The following ABI2 variants were observed in gnomAD, a reference collection of about 807,000 sequenced individuals.
ABI2 encodes abl interactor 2, also known as abelson interactor 2.
Under a neutral mutation model 59.2 loss-of-function variants are expected in ABI2, and 25 were observed. That is an observed-to-expected ratio of 0.42 (90% confidence interval 0.31 to 0.59). The LOEUF (loss-of-function observed/expected upper bound fraction) is 0.59, where lower values mean the gene tolerates loss of function less well. ABI2 is among the 20% of genes least tolerant of loss of function. ABI2 has a pLI of 0.14. For missense variants in ABI2, 545 were observed against 681.8 expected (o/e 0.80, Z 2.23); for synonymous variants, 213 against 235.5 (o/e 0.90, Z 0.87).
chr2:203,382,239 T>A (rs1478456411), intron 4 of ABI2, 33 bp downstream of exon 4: 5 of 1,516,076 alleles, frequency 3.3e-6, no homozygotes, highest in Non-Finnish European at 4.4e-6. Flanking sequence ...TTCCATTCTT[T>A]GTTCTTATGT....
intron 6 of ABI2, among the ~76,000 whole-genome samples, 200 bp from the exon 7 acceptor site, chr2:203,395,448 TACACACAC>T (rs59156204): frequency 4.1e-4 from 47 of 115,312 alleles, no homozygotes; most frequent in Admixed American, 2.8e-3. Context: ...TATATATATA[TACACACAC>T]ACACACACAC....
chr2:203,379,504 G>GCA (rs1383910829), intron 2 of ABI2, among the ~76,000 whole-genome samples: 1 of 152,166 alleles, frequency 6.6e-6, no homozygotes, highest in East Asian at 1.9e-4. Context: ...CTCCCAAAGT[G>GCA]CTTGGATTAC....
In ABI2 at chr2:203,358,071, TTGTGTGTGTGTGTGTG is replaced by T. The variant is rs71007506; in HGVS notation, c.118-8778_118-8763del. ...CCATGAGCCACTGTGCCTGGCCTGT[TTGTGTGTGTGTGTGTG>T]TGTGTGTGTGTGTGTGTGTGTGTGT... On this transcript the variant is annotated intron_variant, in intron 1 of 11. Coordinates refer to ENST00000261018, the MANE Select transcript of ABI2 (RefSeq NM_001375670.1). Among the ~76,000 whole-genome samples the T allele has an allele frequency of 2.4e-3, 304 of 128,850 alleles. 1 individual carries two copies. The highest frequency in any genetic ancestry group is 0.017 in the South Asian group (64 of 3,706). 84.5% of individuals were successfully genotyped at this position (128,850 alleles called of 152,430 possible).
chr2:203,396,663 C>A, intron 7 of ABI2, 122 bp from the exon 8 acceptor site: 2 of 1,026,934 alleles, frequency 1.9e-6, no homozygotes, highest in Non-Finnish European at 2.5e-6. Flanking sequence ...TTTTTTTCAA[C>A]TCTGTTCTTT....
chr2:203,333,380 T>C (rs1223590860), intron 1 of ABI2, among the ~76,000 whole-genome samples: 1 of 152,196 alleles, frequency 6.6e-6, no homozygotes, highest in African/African-American at 2.4e-5. Context: ...TTAAGGATGC[T>C]GGGCTTGACT....
At chr2:203,358,148 G>C (rs1453258188) in intron 1 of ABI2, among the ~76,000 whole-genome samples, 1 of 147,052 alleles carries the variant, frequency 6.8e-6, no homozygotes, top group Non-Finnish European at 1.5e-5. Flanking sequence ...ACAGGGCCTT[G>C]CTCTGTTGAC....
intron 1 of ABI2, among the ~76,000 whole-genome samples, chr2:203,355,711 A>T (rs1334542952): frequency 2.7e-5 from 4 of 149,692 alleles, no homozygotes; most frequent in Non-Finnish European, 5.9e-5. Flanking sequence ...CACGCCTGTA[A>T]TCCCAGCTAC....
intron 2 of ABI2, among the ~76,000 whole-genome samples, chr2:203,368,399 T>G (rs1178598191): frequency 6.6e-6 from 1 of 152,124 alleles, no homozygotes; most frequent in East Asian, 1.9e-4. Flanking sequence ...TAGAACTATT[T>G]TGGAATGAAA....
intron 7 of ABI2, 115 bp from the exon 8 acceptor site, chr2:203,396,670 C>T (rs1308572490): frequency 2.8e-6 from 3 of 1,075,182 alleles, no homozygotes; most frequent in Non-Finnish European, 3.6e-6. Flanking sequence ...CAACTCTGTT[C>T]TTTTGGTTAG....
Position 203,411,302 on chromosome 2 carries a change from C to G in ABI2, c.1210C>G (p.Pro404Ala), listed in dbSNP as rs1360154321. Residue 404 changes from proline to alanine, a missense_variant, in exon 10 of 12, where the codon CCT becomes GCT. This residue lies in a region of ABI2 where 410 missense variants were observed against 435.6 expected (regional missense o/e 0.94). Coordinates refer to ENST00000261018, the MANE Select transcript of ABI2 (RefSeq NM_001375670.1). ...SQNPVSLAPP[P>A]PSILQVTPQL... ...TTTTGCAGTATCTCTTGCTCCTCCT[C>G]CTCCCTCCATCCTACAGGTAACTCC... The G allele has an allele frequency of 6.2e-7, 1 of 1,613,664 alleles. No individual in the cohort carries two copies. Among genetic ancestry groups the G allele is most frequent in the Non-Finnish European group, 8.5e-7 (1 of 1,179,766 alleles).
intron 11 of ABI2, among the ~76,000 whole-genome samples, chr2:203,418,544 C>T (rs1365184815): frequency 6.6e-6 from 1 of 152,232 alleles, no homozygotes; most frequent in Non-Finnish European, 1.5e-5. Context: ...AATTCTGGAT[C>T]ACATAGGCTT....
intron 4 of ABI2, among the ~76,000 whole-genome samples, chr2:203,389,321 A>G (rs2096653104): frequency 6.6e-6 from 1 of 152,218 alleles, no homozygotes; most frequent in Non-Finnish European, 1.5e-5. Flanking sequence ...ACTTTAAAAT[A>G]TTGACATTTC....
chr2:203,371,506 A>G (rs1318869971), intron 2 of ABI2, among the ~76,000 whole-genome samples: 1 of 152,204 alleles, frequency 6.6e-6, no homozygotes, highest in Non-Finnish European at 1.5e-5. Flanking sequence ...ATAAGGCAGT[A>G]TTAGGGTTGG....
chr2:203,361,330 G>A (rs1361865772), intron 1 of ABI2, among the ~76,000 whole-genome samples: 1 of 152,116 alleles, frequency 6.6e-6, no homozygotes, highest in Admixed American at 6.6e-5. Context: ...AACAGTAATG[G>A]ATGCTGAACA....
In ABI2 at chr2:203,411,328, T is replaced by A; in HGVS notation, c.1236T>A (p.Pro412=). The A allele has an allele frequency of 6.2e-7, 1 of 1,613,830 alleles. No individual in the cohort carries two copies. Among genetic ancestry groups the A allele is most frequent in the Non-Finnish European group, 8.5e-7 (1 of 1,179,798 alleles). The change falls in exon 10 of 12, where the codon CCT becomes CCA. Residue 412 remains proline (P), a synonymous_variant. Coordinates refer to ENST00000261018, the MANE Select transcript of ABI2 (RefSeq NM_001375670.1). The stretch of plus-strand genomic sequence containing the variant: ...CTCCCTCCATCCTACAGGTAACTCC[T>A]CAGTTACCTTTAATGGGATTTGTGG... ...PPPPSILQVT[P]QLPLMGFVAR...
At chr2:203,426,939 G>C (rs2098440843) in intron 11 of ABI2, among the ~76,000 whole-genome samples, 1 of 151,702 alleles carries the variant, frequency 6.6e-6, no homozygotes, top group African/African-American at 2.4e-5. Flanking sequence ...TTGATTAAAT[G>C]TGCTTTTTCC....
intron 1 of ABI2, among the ~76,000 whole-genome samples, chr2:203,332,881 T>G (rs772802114): frequency 6.6e-6 from 1 of 152,220 alleles, no homozygotes; most frequent in Non-Finnish European, 1.5e-5. Context: ...ACAGTTCACA[T>G]AGATGCATAG....
intron 2 of ABI2, among the ~76,000 whole-genome samples, chr2:203,378,528 A>G (rs2095873405): frequency 1.3e-5 from 2 of 152,120 alleles, no homozygotes; most frequent in Non-Finnish European, 2.9e-5. Flanking sequence ...TGTTGTTTTT[A>G]AGGTCTCTTG....
chr2:203,360,184 C>CAA (rs58857922), intron 1 of ABI2, among the ~76,000 whole-genome samples: 619 of 70,058 alleles, frequency 8.8e-3, no homozygotes, highest in East Asian at 0.012. Flanking sequence ...GACTCCATCT[C>CAA]AAAAAAAAAA....
Sources: gnomAD v4.1 joint callset for allele counts (sites outside exome capture counted in the v4.1 genomes callset) on GRCh38, gnomAD v4.1.1 for gene constraint, gnomAD v4.1.1 regional missense constraint, MANE v1.5 for transcripts, NCBI Gene and HGNC (gene_info 2026-07-23, HGNC 2026-07-21) for gene names.